ST3GAL3: variants seen among roughly 807,000 people sequenced by gnomAD.
The protein encoded by ST3GAL3 is CMP-N-acetylneuraminate-beta-1,4-galactoside alpha-2,3-sialyltransferase.
Under a neutral mutation model 50.1 loss-of-function variants are expected in ST3GAL3, and 21 were observed. That is an observed-to-expected ratio of 0.42 (90% CI 0.30 to 0.60). The LOEUF (loss-of-function observed/expected upper bound fraction) is 0.60, where lower values mean the gene tolerates loss of function less well. Among genes scored for constraint, ST3GAL3 ranks in the 20% least tolerant of loss-of-function variants. The pLI, the probability that ST3GAL3 is intolerant of heterozygous loss-of-function variation, is 0.19. For synonymous variants in ST3GAL3, 183 were observed against 190.0 expected (o/e 0.96, Z 0.30); for missense variants, 353 against 489.4 (o/e 0.72, Z 2.63).
At chr1:43,746,087 C>T (rs1227687673) in intron 2 of ST3GAL3, among the ~76,000 whole-genome samples, 2 of 152,172 alleles carry the variant, frequency 1.3e-5, no homozygotes, top group African/African-American at 4.8e-5. Flanking sequence ...TGATGCATGA[C>T]TATATCTGAG....
At chr1:43,901,885 G>A (rs941104315) in intron 9 of ST3GAL3, among the ~76,000 whole-genome samples, 1 of 152,238 alleles carries the variant, frequency 6.6e-6, no homozygotes, top group Non-Finnish European at 1.5e-5. Context: ...CAAAGTGAAA[G>A]ATAATTTGGA....
At chr1:43,833,654 CA>C (rs1367432873) in intron 4 of ST3GAL3, among the ~76,000 whole-genome samples, 1 of 152,082 alleles carries the variant, frequency 6.6e-6, no homozygotes, top group African/African-American at 2.4e-5. Flanking sequence ...GATAAAAATC[CA>C]AGCAGAGTGA....
At chr1:43,835,100 G>T (rs937669169) in intron 4 of ST3GAL3, among the ~76,000 whole-genome samples, 1 of 152,108 alleles carries the variant, frequency 6.6e-6, no homozygotes, top group Non-Finnish European at 1.5e-5. Flanking sequence ...CAGGACAATG[G>T]GTGCTCTTAC....
At chr1:43,817,437 TCCTTCTC>T (rs2061410902) in intron 4 of ST3GAL3, among the ~76,000 whole-genome samples, 1 of 141,890 alleles carries the variant, frequency 7.0e-6, no homozygotes, top group Admixed American at 7.1e-5. Context: ...TTCTCCTTCT[TCCTTCTC>T]CTTCTTCTTT....
intron 2 of ST3GAL3, among the ~76,000 whole-genome samples, chr1:43,760,206 G>A (rs1267986197): frequency 1.3e-5 from 2 of 152,120 alleles, no homozygotes; most frequent in African/African-American, 4.8e-5. Context: ...GGAAACCACT[G>A]GCAGTATTTT....
chr1:43,846,275 C>T (rs145892128), intron 5 of ST3GAL3, among the ~76,000 whole-genome samples: 7 of 152,240 alleles, frequency 4.6e-5, no homozygotes, highest in Non-Finnish European at 7.4e-5. Context: ...GAAGCTCTGT[C>T]ATTTGGTGTG....
Position 43,812,917 on chromosome 1 carries a change from C to T in ST3GAL3, c.167-1974C>T, listed in dbSNP as rs140437108. On this transcript the variant is annotated intron_variant, in intron 3 of 11. Coordinates refer to ENST00000347631, the MANE Select transcript of ST3GAL3 (RefSeq NM_006279.5). ...TGAAACAAAACAAAACTTAAGATGC[C>T]ATTGACAAATAATAAACCACAGATA... is the stretch of plus-strand genomic sequence containing the variant. 1.5e-3 allele frequency among the ~76,000 whole-genome samples: 224 copies of T among 152,072 alleles called. 2 individuals are homozygous for T. Among genetic ancestry groups the T allele is most frequent in the Middle Eastern group, 0.014 (4 of 294 alleles).
At chr1:43,842,050 G>C (rs2065465882) in intron 5 of ST3GAL3, 1 of 152,214 alleles carries the variant, frequency 6.6e-6, no homozygotes, top group Admixed American at 6.5e-5. Flanking sequence ...CAACCAAGCT[G>C]TTTGCTAAGG....
At chr1:43,744,868 G>A (rs901111703) in intron 2 of ST3GAL3, among the ~76,000 whole-genome samples, 7 of 151,778 alleles carry the variant, frequency 4.6e-5, no homozygotes, top group Admixed American at 1.3e-4. Context: ...GCATGTGCCT[G>A]TAATCCCAGC....
chr1:43,924,392 A>G (rs901944942), intron 11 of ST3GAL3, among the ~76,000 whole-genome samples: 1 of 152,216 alleles, frequency 6.6e-6, no homozygotes, highest in Admixed American at 6.5e-5. Flanking sequence ...TTGGTCTTTT[A>G]CAAATGCCTT....
chr1:43,779,085 G>A (rs895408355), intron 2 of ST3GAL3, among the ~76,000 whole-genome samples: 1 of 151,964 alleles, frequency 6.6e-6, no homozygotes, highest in Admixed American at 6.6e-5. Flanking sequence ...GGGATTACAG[G>A]CACCTGCCAG....
At chr1:43,817,449 TTC>T (rs2061414699) in intron 4 of ST3GAL3, among the ~76,000 whole-genome samples, 1 of 144,356 alleles carries the variant, frequency 6.9e-6, no homozygotes, top group South Asian at 2.4e-4. Flanking sequence ...CTTCTCCTTC[TTC>T]TTTCTTCTTT....
chr1:43,767,065 T>G (rs1044390593), intron 2 of ST3GAL3, among the ~76,000 whole-genome samples: 2 of 152,136 alleles, frequency 1.3e-5, no homozygotes, highest in African/African-American at 4.8e-5. Context: ...CGGATTTGCA[T>G]TTTAGAAGGC....
chr1:43,891,351 CCTGAGGT>C (rs2076658423), intron 5 of ST3GAL3, among the ~76,000 whole-genome samples: 1 of 152,200 alleles, frequency 6.6e-6, no homozygotes, highest in Non-Finnish European at 1.5e-5. Flanking sequence ...GGGTGGATCA[CCTGAGGT>C]CAGGAGTTCA....
At chr1:43,739,259 G>A (rs954852519) in intron 2 of ST3GAL3, 1 of 152,196 alleles carries the variant, frequency 6.6e-6, no homozygotes, top group African/African-American at 2.4e-5. Context: ...GTCTCACTCT[G>A]TCACCCAGGC....
chr1:43,857,577 T>C (rs1169443120), intron 5 of ST3GAL3, among the ~76,000 whole-genome samples: 1 of 75,024 alleles, frequency 1.3e-5, no homozygotes, highest in South Asian at 6.1e-4. Flanking sequence ...CTTTCTTTCC[T>C]TCCTCCCTCC....
chr1:43,793,296 A>G (rs1022496793), intron 3 of ST3GAL3, among the ~76,000 whole-genome samples: 12 of 152,126 alleles, frequency 7.9e-5, no homozygotes, highest in African/African-American at 2.9e-4. Context: ...GTTTTGATAC[A>G]GGCATACAAT....
chr1:43,853,379 A>C (rs2067714453), intron 5 of ST3GAL3, among the ~76,000 whole-genome samples: 1 of 152,258 alleles, frequency 6.6e-6, no homozygotes, highest in Non-Finnish European at 1.5e-5. Flanking sequence ...TTCTCCCAAC[A>C]ATCATATAAT....
chr1:43,915,177 C>T (rs2081574383), intron 9 of ST3GAL3, among the ~76,000 whole-genome samples: 1 of 152,194 alleles, frequency 6.6e-6, no homozygotes. Context: ...AGAGACAATC[C>T]ACCAAAGGAG....
Sources: gnomAD v4.1 joint callset for allele counts (sites outside exome capture counted in the v4.1 genomes callset) on GRCh38, gnomAD v4.1.1 for gene constraint, MANE v1.5 for transcripts, NCBI Gene and HGNC (gene_info 2026-07-23, HGNC 2026-07-21) for gene names.